Variants in IARS1 observed in about 807,000 individuals in gnomAD.
The protein encoded by IARS1 is isoleucine--tRNA ligase, cytoplasmic.
In IARS1, 124 loss-of-function variants were observed where a neutral mutation model predicts 168.2. That is an observed-to-expected ratio of 0.74 (90% CI 0.64 to 0.86). IARS1 has a LOEUF of 0.86. Ranked by LOEUF, IARS1 falls within the 40% of genes least tolerant of loss-of-function variation. The pLI, the probability that IARS1 is intolerant of heterozygous loss-of-function variation, is 0.00. For synonymous variants in IARS1, 532 were observed against 529.4 expected (o/e 1.00, Z -0.07); for missense variants, 1,452 against 1,515.8 (o/e 0.96, Z 0.70).
In IARS1 at chr9:92,210,411, T is replaced by C. The variant is rs1329734545; in HGVS notation, c.*396A>G. On this transcript the variant is annotated 3_prime_UTR_variant, in exon 34 of 34. Transcript: ENST00000443024. ...TATTCCATCAAATTATCCAGGAAAA[T>C]CCAGGTGGCAGAAATATATAATATG... 6 of 155,228 alleles carry C rather than the reference T, an allele frequency of 3.9e-5. No individual in the cohort carries two copies. Among genetic ancestry groups the C allele is most frequent in the Non-Finnish European group, 8.5e-5 (6 of 70,276 alleles). The allele number at this position is 155,228 out of a possible 1,614,324, so 9.6% of individuals were successfully genotyped here.
At position 92,274,466 on chromosome 9, in the gene IARS1, T is replaced by C. The variant is rs114279476; in HGVS notation, c.950A>G (p.Glu317Gly). Residue 317 changes from glutamate (E) to glycine (G), a missense_variant, in exon 10 of 34, where the codon GAA (glutamate) becomes GGA (glycine). Coordinates refer to ENST00000443024, the MANE Select transcript of IARS1 (RefSeq NM_002161.6). ...AGCTTGGTGGACAACCCCTGTGCCTTCTTCTTCCTTCACATAGTTGTCAAC... is the reference window on the plus strand; with the variant it reads ...AGCTTGGTGGACAACCCCTGTGCCTCCTTCTTCCTTCACATAGTTGTCAAC... The part of the protein sequence containing the change: ...VLVDNYVKEE[E>G]GTGVVHQAPY... 1.2e-3 allele frequency: 2,004 copies of C among 1,613,878 alleles called. 25 individuals are homozygous for C. The African/African-American group carries it at 0.022, about 18-fold the overall frequency.
At chr9:92,283,158 T>C (rs1007988813) in intron 6 of IARS1, among the ~76,000 whole-genome samples, 13 of 152,206 alleles carry the variant, frequency 8.5e-5, no homozygotes, top group Non-Finnish European at 1.6e-4. Flanking sequence ...ACAATCAATA[T>C]ACAGACCGCG....
intron 10 of IARS1, among the ~76,000 whole-genome samples, 177 bp from the exon 11 acceptor site, chr9:92,271,832 A>G (rs564238378): frequency 1.3e-5 from 2 of 152,368 alleles, no homozygotes; most frequent in East Asian, 3.9e-4. Flanking sequence ...ACAGTTGGAC[A>G]GGGGTTAGGT....
At chr9:92,234,250 CAATT>C (rs1217124038) in intron 30 of IARS1, among the ~76,000 whole-genome samples, 4 of 152,054 alleles carry the variant, frequency 2.6e-5, no homozygotes, top group African/African-American at 9.7e-5. Context: ...TTTGGAAACC[CAATT>C]AATGCTTGAA....
At chr9:92,272,636 G>T (rs1467558356) in intron 10 of IARS1, among the ~76,000 whole-genome samples, 1 of 152,160 alleles carries the variant, frequency 6.6e-6, no homozygotes, top group Non-Finnish European at 1.5e-5. Context: ...GATCACCTGA[G>T]GTCAGAAGTT....
At chr9:92,292,206 G>C (rs1259370445) in intron 1 of IARS1, among the ~76,000 whole-genome samples, 1 of 141,090 alleles carries the variant, frequency 7.1e-6, no homozygotes, top group Non-Finnish European at 1.5e-5. Flanking sequence ...TTTTTGGTGG[G>C]GAGGGGGTGG....
intron 31 of IARS1, among the ~76,000 whole-genome samples, chr9:92,226,448 TTTC>T (rs1825697959): frequency 6.6e-6 from 1 of 152,252 alleles, no homozygotes; most frequent in Admixed American, 6.5e-5. Flanking sequence ...GCCATTTGCA[TTTC>T]TTCTTTTAAG....
At chr9:92,249,989 A>G in intron 24 of IARS1, 48 bp from the exon 25 acceptor site, 1 of 1,079,198 alleles carries the variant, frequency 9.3e-7, no homozygotes, top group Non-Finnish European at 1.4e-6. Context: ...CAGTCCTCTA[A>G]AACTGCAGAA....
At chr9:92,217,758 A>T (rs1183336066) in intron 33 of IARS1, among the ~76,000 whole-genome samples, 1 of 151,994 alleles carries the variant, frequency 6.6e-6, no homozygotes, top group Non-Finnish European at 1.5e-5. Context: ...CCAATAACAG[A>T]CTCTGAAATT....
chr9:92,240,318 C>T lies in IARS1; in HGVS notation c.3283+538G>A, dbSNP rs1828187035. On this transcript the variant is annotated intron_variant, in intron 30 of 33. Transcript: ENST00000443024. ...TTGCTTTGTCACCCAGGCTGGAGTG[C>T]AATGGTGCAATCTCAGCTCACTGCA... The T allele has an allele frequency of 1.8e-5, 4 of 228,304 alleles. No homozygotes were observed. The East Asian group carries it at 3.7e-4, about 21-fold the overall frequency. 14.1% of individuals were successfully genotyped at this position (228,304 alleles called of 1,614,324 possible). A position where few individuals can be genotyped will look rare whatever the true frequency, so the allele number is the denominator to read the frequency against.
rs752684384 is a variant in IARS1 at position 92,228,998 on chromosome 9, T to C, written c.3409+3A>G. The C allele has an allele frequency of 8.7e-6, 14 of 1,613,862 alleles. No individual in the cohort carries two copies. ...ACGTAGGCTCCTCTCACTTTCCACA[T>C]ACCTGTTTCATCATGGAAGACAGCC... On this transcript the variant is annotated splice_donor_region_variant and intron_variant, in intron 31 of 33. Transcript: ENST00000443024.
chr9:92,242,236 A>T lies in IARS1; in HGVS notation c.3095T>A (p.Phe1032Tyr). The T allele has an allele frequency of 6.2e-7, 1 of 1,613,868 alleles. No homozygotes were observed. The highest frequency in any genetic ancestry group is 8.5e-7 in the Non-Finnish European group (1 of 1,179,716). The change falls in exon 29 of 34, where the codon TTC (phenylalanine) becomes TAC (tyrosine). Residue 1032 changes from phenylalanine to tyrosine, a missense_variant. Coordinates refer to ENST00000443024, the MANE Select transcript of IARS1 (RefSeq NM_002161.6). The part of the protein sequence containing the change: ...LNSVIESHTE[F>Y]IFTTIKAPLK... ...GGGAGCCTTTATGGTGGTAAATATG[A>T]ACTCTGTGTGGCTTTCAATAACACT...
intron 17 of IARS1, among the ~76,000 whole-genome samples, chr9:92,261,757 CT>C (rs908361961): frequency 1.1e-3 from 161 of 145,494 alleles, no homozygotes; most frequent in African/African-American, 1.0e-3. Flanking sequence ...CAATTTCCCC[CT>C]TTTTTTTTTT....
intron 14 of IARS1, 137 bp from the exon 15 acceptor site, chr9:92,265,690 T>C (rs780914607): frequency 2.8e-5 from 20 of 717,700 alleles, no homozygotes; most frequent in Non-Finnish European, 4.9e-5. Flanking sequence ...AGGGTCTCAC[T>C]ACCATTGCCC....
chr9:92,263,261 A>G (rs1255525760), intron 16 of IARS1, among the ~76,000 whole-genome samples: 1 of 152,200 alleles, frequency 6.6e-6, no homozygotes, highest in African/African-American at 2.4e-5. Flanking sequence ...AACGTCTGGA[A>G]TGATTTACTG....
intron 19 of IARS1, among the ~76,000 whole-genome samples, chr9:92,257,602 C>T (rs1830904077): frequency 6.6e-6 from 1 of 152,168 alleles, no homozygotes; most frequent in African/African-American, 2.4e-5. Flanking sequence ...CTGCCCTTCT[C>T]AATTCCTGGG....
intron 20 of IARS1, among the ~76,000 whole-genome samples, chr9:92,255,393 G>A (rs1310953366): frequency 6.6e-6 from 1 of 152,098 alleles, no homozygotes; most frequent in Non-Finnish European, 1.5e-5. Context: ...TGTGACCCAG[G>A]GCCTCTGTCC....
chr9:92,211,222 C>T (rs1440878865), intron 33 of IARS1, among the ~76,000 whole-genome samples: 1 of 152,124 alleles, frequency 6.6e-6, no homozygotes, highest in Non-Finnish European at 1.5e-5. Context: ...AGCAATCATG[C>T]CTACAGAATG....
intron 17 of IARS1, 72 bp downstream of exon 17, chr9:92,262,897 G>A (rs1831730116): frequency 5.7e-6 from 6 of 1,060,364 alleles, no homozygotes; most frequent in Non-Finnish European, 8.8e-6. Context: ...AAAGTTGACC[G>A]CTCTCACGCA....
Sources: allele counts gnomAD v4.1 joint callset (sites outside exome capture counted in the v4.1 genomes callset), GRCh38; gene constraint gnomAD v4.1.1; transcripts MANE v1.5; gene names NCBI Gene and HGNC (gene_info 2026-07-23, HGNC 2026-07-21).